Variants in PRKCE observed in about 807,000 individuals in gnomAD.
PRKCE encodes the protein protein kinase C epsilon type.
In PRKCE, 16 loss-of-function variants were observed where a neutral mutation model predicts 85.4. That is an observed-to-expected ratio of 0.19 (90% confidence interval 0.13 to 0.28). The LOEUF (loss-of-function observed/expected upper bound fraction) is 0.28, where lower values mean the gene tolerates loss of function less well. PRKCE is among the 10% of genes least tolerant of loss of function. The pLI, the probability that PRKCE is intolerant of heterozygous loss-of-function variation, is 1.00. For missense variants in PRKCE, 573 were observed against 975.2 expected (o/e 0.59, Z 5.49); for synonymous variants, 388 against 371.5 (o/e 1.04, Z -0.51).
intron 1 of PRKCE, among the ~76,000 whole-genome samples, chr2:45,723,616 G>GTTTTGT (rs1471585909): frequency 1.1e-4 from 17 of 152,100 alleles, no homozygotes; most frequent in African/African-American, 4.1e-4. Flanking sequence ...GTTTTGTTTT[G>GTTTTGT]TTTTTTGAGA....
intron 1 of PRKCE, among the ~76,000 whole-genome samples, chr2:45,755,312 G>A (rs1212015957): frequency 6.6e-6 from 1 of 152,154 alleles, no homozygotes; most frequent in Non-Finnish European, 1.5e-5. Flanking sequence ...ACTCAATAAA[G>A]GTGCAGCAAA....
chr2:45,912,442 G>A (rs1432641815), intron 2 of PRKCE, among the ~76,000 whole-genome samples: 4 of 152,166 alleles, frequency 2.6e-5, no homozygotes, highest in African/African-American at 9.7e-5. Context: ...GCCTTCACTT[G>A]GTGGAGAAGG....
chr2:46,061,942 C>G (rs372720328), intron 10 of PRKCE, among the ~76,000 whole-genome samples: 1 of 150,832 alleles, frequency 6.6e-6, no homozygotes, highest in African/African-American at 2.4e-5. Flanking sequence ...CTACAACCTC[C>G]GCCTCCCGGG....
chr2:45,863,140 A>T (rs893981512), intron 2 of PRKCE, among the ~76,000 whole-genome samples: 1 of 152,126 alleles, frequency 6.6e-6, no homozygotes, highest in South Asian at 2.1e-4. Context: ...GAAGTTGGGT[A>T]TGCAGAATTA....
chr2:46,017,048 G>A lies in PRKCE; in HGVS notation c.1437+6531G>A, dbSNP rs1285003444. Among the ~76,000 whole-genome samples, 3 of 139,608 alleles carry A rather than the reference G, an allele frequency of 2.1e-5. No individual in the cohort carries two copies. The Admixed American group carries it at 2.2e-4, about 10-fold the overall frequency. 91.6% of individuals were successfully genotyped at this position (139,608 alleles called of 152,430 possible). A position where few individuals can be genotyped will look rare whatever the true frequency, so the allele number is the denominator to read the frequency against. ...CTTTTTTTTTTCGGAATTTGTTATT[G>A]TGGTAAAATACACATAATATAAAAC... On this transcript the variant is annotated intron_variant, in intron 10 of 14. Transcript: ENST00000306156.
chr2:45,952,573 CTA>C (rs1175591305), intron 2 of PRKCE, among the ~76,000 whole-genome samples: 7 of 152,120 alleles, frequency 4.6e-5, no homozygotes, highest in Non-Finnish European at 7.4e-5. Flanking sequence ...GTTGAAATTG[CTA>C]TGTTAAAAGT....
At chr2:45,917,857 C>T (rs1354907444) in intron 2 of PRKCE, among the ~76,000 whole-genome samples, 5 of 152,214 alleles carry the variant, frequency 3.3e-5, no homozygotes, top group Non-Finnish European at 7.3e-5. Context: ...TCGAGCGCAG[C>T]GCCCGTGGGC....
chr2:45,848,255 G>T (rs1691957426), intron 2 of PRKCE, among the ~76,000 whole-genome samples: 1 of 152,110 alleles, frequency 6.6e-6, no homozygotes, highest in African/African-American at 2.4e-5. Flanking sequence ...ATGTCTTCTA[G>T]TTAGTAGAAA....
intron 10 of PRKCE, among the ~76,000 whole-genome samples, chr2:46,047,630 T>C (rs1057137419): frequency 3.3e-5 from 5 of 152,328 alleles, no homozygotes; most frequent in African/African-American, 1.2e-4. Context: ...TTCAAAACAC[T>C]GAATTTGATC....
intron 2 of PRKCE, among the ~76,000 whole-genome samples, chr2:45,964,913 A>G (rs1432637331): frequency 6.6e-6 from 1 of 152,176 alleles, no homozygotes. Context: ...TTGTTTTCAT[A>G]CCTGGACAGA....
At chr2:46,014,670 C>T (rs550828387) in intron 10 of PRKCE, among the ~76,000 whole-genome samples, 1 of 152,286 alleles carries the variant, frequency 6.6e-6, no homozygotes, top group African/African-American at 2.4e-5. Flanking sequence ...GTGCTAGACA[C>T]TGTGCTAGAT....
At chr2:45,960,630 C>T (rs1701310019) in intron 2 of PRKCE, among the ~76,000 whole-genome samples, 1 of 152,214 alleles carries the variant, frequency 6.6e-6, no homozygotes, top group Admixed American at 6.5e-5. Context: ...CCACCAATCA[C>T]CTCCTGCTGT....
chr2:45,960,114 A>C (rs1701276897), intron 2 of PRKCE, among the ~76,000 whole-genome samples: 1 of 152,194 alleles, frequency 6.6e-6, no homozygotes, highest in Non-Finnish European at 1.5e-5. Flanking sequence ...ATACAAACAG[A>C]ATGCTTGTTT....
At chr2:45,834,252 T>C (rs1690666485) in intron 1 of PRKCE, among the ~76,000 whole-genome samples, 1 of 152,194 alleles carries the variant, frequency 6.6e-6, no homozygotes, top group Non-Finnish European at 1.5e-5. Flanking sequence ...CTACGGGTGA[T>C]GAGAATGCAG....
intron 1 of PRKCE, among the ~76,000 whole-genome samples, chr2:45,736,885 T>C (rs1682110021): frequency 6.6e-6 from 1 of 152,152 alleles, no homozygotes; most frequent in Admixed American, 6.5e-5. Flanking sequence ...TCATTTTGGT[T>C]TAAGGTGATC....
intron 2 of PRKCE, among the ~76,000 whole-genome samples, chr2:45,913,793 C>G (rs1697553704): frequency 6.6e-6 from 1 of 152,098 alleles, no homozygotes; most frequent in Non-Finnish European, 1.5e-5. Context: ...AGTGTGTAGT[C>G]AGGGAGAGGA....
intron 1 of PRKCE, among the ~76,000 whole-genome samples, chr2:45,795,918 G>A (rs1448520821): frequency 2.0e-5 from 3 of 152,196 alleles, no homozygotes; most frequent in Non-Finnish European, 2.9e-5. Flanking sequence ...GCTTGACAGC[G>A]CTTTTTCAAA....
At chr2:46,050,349 G>A (rs147493106) in intron 10 of PRKCE, among the ~76,000 whole-genome samples, 56 of 152,332 alleles carry the variant, frequency 3.7e-4, no homozygotes, top group South Asian at 1.7e-3. Context: ...TTGCCGAGCC[G>A]TCCCTGCATG....
intron 3 of PRKCE, chr2:45,978,769 C>T (rs1425494731): frequency 1.1e-5 from 6 of 549,020 alleles, no homozygotes; most frequent in Admixed American, 6.4e-5. Flanking sequence ...AAACCTTGCA[C>T]CTCCCCAAGC....
Sources: gnomAD v4.1 joint callset for allele counts (sites outside exome capture counted in the v4.1 genomes callset) on GRCh38, gnomAD v4.1.1 for gene constraint, MANE v1.5 for transcripts, NCBI Gene and HGNC (gene_info 2026-07-23, HGNC 2026-07-21) for gene names.